Variants in CCBE1 observed in about 807,000 individuals in gnomAD.
CCBE1 encodes the protein collagen and calcium binding EGF domains 1.
A neutral mutation model predicts 50.0 loss-of-function variants in CCBE1; 37 were observed. That is an observed-to-expected ratio of 0.74 (90% CI 0.57 to 0.97). The LOEUF (loss-of-function observed/expected upper bound fraction) is 0.97. CCBE1 is among the 50% of genes least tolerant of loss of function. The pLI, the probability that CCBE1 is intolerant of heterozygous loss-of-function variation, is 0.00. For missense variants in CCBE1, 538 were observed against 523.8 expected, an observed-to-expected ratio of 1.03 and a Z score of -0.26; for synonymous variants, 234 against 203.7, an observed-to-expected ratio of 1.15 and a Z score of -1.27.
intron 2 of CCBE1, among the ~76,000 whole-genome samples, chr18:59,636,066 TC>T (rs886471741): frequency 5.3e-5 from 8 of 151,826 alleles, no homozygotes; most frequent in African/African-American, 1.9e-4. Flanking sequence ...GGGAGGAGAA[TC>T]GTTTGAGCCC....
At chr18:59,457,651 T>A (rs1911260466) in intron 5 of CCBE1, among the ~76,000 whole-genome samples, 1 of 152,122 alleles carries the variant, frequency 6.6e-6, no homozygotes, top group Non-Finnish European at 1.5e-5. Context: ...TGAACATGAA[T>A]AACAAAATGA....
chr18:59,563,003 A>T (rs937180438), intron 2 of CCBE1, among the ~76,000 whole-genome samples: 11 of 152,146 alleles, frequency 7.2e-5, no homozygotes, highest in African/African-American at 2.7e-4. Flanking sequence ...CAGAGACAAG[A>T]CTGTTGGCAT....
At chr18:59,443,610 G>A (rs903624402) in intron 7 of CCBE1, among the ~76,000 whole-genome samples, 1 of 148,940 alleles carries the variant, frequency 6.7e-6, no homozygotes, top group African/African-American at 2.5e-5. Context: ...GGGATTACAG[G>A]TGCCCACCAC....
intron 7 of CCBE1, 114 bp downstream of exon 7, chr18:59,447,869 C>T: frequency 6.5e-7 from 1 of 1,526,998 alleles, no homozygotes; most frequent in Non-Finnish European, 9.0e-7. Flanking sequence ...TGGACACCTG[C>T]CTTGTTTCTC....
At chr18:59,463,699 TCCCAACATCGAATCTCAACCTAACC>T (rs1568152906) in intron 5 of CCBE1, among the ~76,000 whole-genome samples, 1 of 152,188 alleles carries the variant, frequency 6.6e-6, no homozygotes, top group Admixed American at 6.5e-5. Flanking sequence ...TATTTCTATA[TCCCAACATCGAATCTCAACCTAACC>T]CCCAGCAGTA....
At chr18:59,643,202 T>C (rs2054013785) in intron 2 of CCBE1, among the ~76,000 whole-genome samples, 1 of 152,162 alleles carries the variant, frequency 6.6e-6, no homozygotes, top group South Asian at 2.1e-4. Flanking sequence ...TTTCATGTTA[T>C]TTATCCCAAT....
intron 2 of CCBE1, among the ~76,000 whole-genome samples, chr18:59,641,614 G>C (rs1173530813): frequency 1.3e-5 from 2 of 152,084 alleles, no homozygotes; most frequent in African/African-American, 4.8e-5. Context: ...AAATAAAAGT[G>C]CAAATGTCCA....
rs139203385 is a variant in CCBE1, at chr18:59,455,114, G to A, written c.554-163C>T. On this transcript the variant is annotated intron_variant, in intron 5 of 10. Transcript: ENST00000439986. ...TACAGCTCTCAGGTCCTGCCAGCATGCCCCAGGGTCAGGGAAGAGGGGAGG... is the reference window on the plus strand; with the variant it reads ...TACAGCTCTCAGGTCCTGCCAGCATACCCCAGGGTCAGGGAAGAGGGGAGG... The A allele has an allele frequency of 1.4e-3, 1,005 of 699,466 alleles. 7 individuals carry two copies. In the African/African-American group the frequency reaches 0.016, roughly 11 times the overall value. The allele number at this position is 699,466 out of a possible 1,614,324, so 43.3% of individuals were successfully genotyped here. A position where few individuals can be genotyped will look rare whatever the true frequency, so the allele number is the denominator to read the frequency against.
intron 2 of CCBE1, among the ~76,000 whole-genome samples, chr18:59,527,351 T>A (rs574311640): frequency 4.6e-5 from 7 of 152,206 alleles, no homozygotes; most frequent in Non-Finnish European, 1.0e-4. Context: ...TCCATTTGCT[T>A]GGTAAATTTT....
In CCBE1 at chr18:59,553,247, T is replaced by C. The variant is rs556987612; in HGVS notation, c.213-73009A>G. 2.4e-3 allele frequency among the ~76,000 whole-genome samples: 363 copies of C among 152,306 alleles called. 1 individual carries two copies. Among genetic ancestry groups the C allele is most frequent in the Non-Finnish European group, 4.2e-3 (289 of 68,034 alleles). ...CCTCATTTCATCACAGTCATTAATTTAATGATCTTGCATTATAGCTCAATT... is the reference window on the plus strand; with the variant it reads ...CCTCATTTCATCACAGTCATTAATTCAATGATCTTGCATTATAGCTCAATT... On this transcript the variant is annotated intron_variant, in intron 2 of 10. Transcript: ENST00000439986.
intron 2 of CCBE1, among the ~76,000 whole-genome samples, chr18:59,495,087 G>A (rs1913286330): frequency 6.6e-6 from 1 of 150,696 alleles, no homozygotes; most frequent in Non-Finnish European, 1.5e-5. Flanking sequence ...GTTGCAGTGA[G>A]CCCGAGATCA....
intron 2 of CCBE1, among the ~76,000 whole-genome samples, chr18:59,599,041 T>G (rs1274333156): frequency 6.6e-6 from 1 of 152,238 alleles, no homozygotes; most frequent in Non-Finnish European, 1.5e-5. Context: ...GACACTTTAC[T>G]GCTACTTTTC....
At chr18:59,663,481 A>C (rs2144693171) in intron 2 of CCBE1, among the ~76,000 whole-genome samples, 1 of 152,238 alleles carries the variant, frequency 6.6e-6, no homozygotes, top group East Asian at 1.9e-4. Flanking sequence ...TGGATGACAA[A>C]TTCTTCACTG....
At chr18:59,590,869 G>A (rs1171973233) in intron 2 of CCBE1, among the ~76,000 whole-genome samples, 1 of 151,902 alleles carries the variant, frequency 6.6e-6, no homozygotes, top group Non-Finnish European at 1.5e-5. Flanking sequence ...AACCTTCAAA[G>A]GATCTGAGGT....
chr18:59,500,183 C>T (rs1360300995), intron 2 of CCBE1, among the ~76,000 whole-genome samples: 1 of 152,202 alleles, frequency 6.6e-6, no homozygotes, highest in African/African-American at 2.4e-5. Context: ...TGGTTCTACT[C>T]TGCAGTTGTG....
chr18:59,463,047 T>C (rs1291389608), intron 5 of CCBE1, among the ~76,000 whole-genome samples: 4 of 152,268 alleles, frequency 2.6e-5, no homozygotes, highest in Non-Finnish European at 5.9e-5. Context: ...CTTGTACTTA[T>C]CTGAAACTTT....
intron 2 of CCBE1, among the ~76,000 whole-genome samples, chr18:59,577,493 G>C (rs939617400): frequency 2.0e-5 from 3 of 152,180 alleles, no homozygotes; most frequent in Non-Finnish European, 4.4e-5. Context: ...GTCTACCCCA[G>C]ACATATGAGA....
At chr18:59,658,321 TAAAAAA>T (rs1157998930) in intron 2 of CCBE1, among the ~76,000 whole-genome samples, 183 of 6,424 alleles carry the variant, frequency 0.028, 22 homozygotes, top group Admixed American at 0.033. Flanking sequence ...ACCCTGTCTC[TAAAAAA>T]AAAAAAAAAA....
intron 2 of CCBE1, among the ~76,000 whole-genome samples, chr18:59,651,745 G>A (rs2054131109): frequency 6.6e-6 from 1 of 152,200 alleles, no homozygotes; most frequent in Admixed American, 6.5e-5. Context: ...AAACTCCAGA[G>A]AAAGGCACTG....
Sources: gnomAD v4.1 joint callset for allele counts (sites outside exome capture counted in the v4.1 genomes callset) on GRCh38, gnomAD v4.1.1 for gene constraint, MANE v1.5 for transcripts, NCBI Gene and HGNC (gene_info 2026-07-23, HGNC 2026-07-21) for gene names.